DGKB: variants seen among roughly 807,000 people sequenced by gnomAD.
DGKB encodes the protein 90 kDa diacylglycerol kinase.
DGKB carries 67 observed loss-of-function variants against 114.3 expected under a neutral mutation model. That is an observed-to-expected ratio of 0.59 (90% CI 0.48 to 0.72). DGKB has a LOEUF of 0.72. Ranked by LOEUF, DGKB falls within the 30% of genes least tolerant of loss-of-function variation. The probability of loss-of-function intolerance (pLI) is 0.00; values close to 1 mark genes in which losing one functional copy is unlikely to be tolerated. For missense variants in DGKB, 907 were observed against 975.2 expected (o/e 0.93, Z 0.93); for synonymous variants, 398 against 323.1 (o/e 1.23, Z -2.49).
intron 6 of DGKB, among the ~76,000 whole-genome samples, chr7:14,712,078 A>G (rs2128336405): frequency 6.6e-6 from 1 of 152,292 alleles, no homozygotes; most frequent in East Asian, 1.9e-4. Context: ...TGAAATACAA[A>G]TAGGAACACA....
At chr7:14,248,894 G>C (rs1794833096) in intron 23 of DGKB, among the ~76,000 whole-genome samples, 1 of 152,102 alleles carries the variant, frequency 6.6e-6, no homozygotes, top group African/African-American at 2.4e-5. Flanking sequence ...AACAAGTGTT[G>C]AGAGAGAGCA....
At chr7:14,337,697 C>T (rs113155318) in intron 23 of DGKB, among the ~76,000 whole-genome samples, 2 of 151,944 alleles carry the variant, frequency 1.3e-5, no homozygotes, top group Non-Finnish European at 2.9e-5. Flanking sequence ...ATATTTTGTC[C>T]TTGCTACACT....
At chr7:14,524,529 G>A (rs1026330883) in intron 20 of DGKB, among the ~76,000 whole-genome samples, 4 of 152,190 alleles carry the variant, frequency 2.6e-5, no homozygotes, top group African/African-American at 9.6e-5. Context: ...GCCAAGGCGG[G>A]TGGAGCACCT....
intron 21 of DGKB, among the ~76,000 whole-genome samples, chr7:14,373,164 G>A (rs1482448841): frequency 6.6e-6 from 1 of 152,192 alleles, no homozygotes; most frequent in Non-Finnish European, 1.5e-5. Flanking sequence ...AATAAATACA[G>A]AAACAGAGCT....
intron 21 of DGKB, among the ~76,000 whole-genome samples, chr7:14,446,868 G>C (rs546794143): frequency 3.3e-5 from 5 of 151,008 alleles, no homozygotes; most frequent in African/African-American, 9.9e-5. Flanking sequence ...AGTTTCAAGA[G>C]AGAGACGGTG....
chr7:14,661,718 G>T (rs968928210), intron 13 of DGKB, among the ~76,000 whole-genome samples: 339 of 151,410 alleles, frequency 2.2e-3, no homozygotes, highest in African/African-American at 7.3e-3. Context: ...TATACCCAAA[G>T]GACTATAAAT....
Position 14,320,767 on chromosome 7 carries a change from C to G in DGKB, c.2122+17748G>C, listed in dbSNP as rs371713183. Among the ~76,000 whole-genome samples the G allele has an allele frequency of 3.9e-5, 6 of 152,194 alleles. No individual in the cohort carries two copies. The South Asian group carries it at 8.3e-4, about 21-fold the overall frequency. ...ATTAGATAAAGTAGTTAGAGCCATA[C>G]TCACAAGTGCAGGTCATACTGCCTA... is the stretch of plus-strand genomic sequence containing the variant. On this transcript the variant is annotated intron_variant, in intron 23 of 25. Transcript: ENST00000402815.
chr7:14,817,645 GAGTT>G (rs1016693863), intron 2 of DGKB, among the ~76,000 whole-genome samples: 6 of 152,110 alleles, frequency 3.9e-5, no homozygotes, highest in Non-Finnish European at 8.8e-5. Context: ...ATTTGAATAA[GAGTT>G]AGGTCTTTTA....
At chr7:14,518,925 G>C (rs11505395) in intron 20 of DGKB, among the ~76,000 whole-genome samples, 65,891 of 151,760 alleles carry the variant, frequency 0.43, 15,146 homozygotes, top group East Asian at 0.72. Context: ...CAGAGAATTT[G>C]CATTTCCAAG....
chr7:14,764,273 T>C (rs1425556019), intron 2 of DGKB, among the ~76,000 whole-genome samples: 1 of 151,962 alleles, frequency 6.6e-6, no homozygotes, highest in Non-Finnish European at 1.5e-5. Flanking sequence ...ATTATGTCAA[T>C]GTTAAAGTTA....
At chr7:14,261,075 T>A (rs1000977204) in intron 23 of DGKB, among the ~76,000 whole-genome samples, 1 of 152,118 alleles carries the variant, frequency 6.6e-6, no homozygotes, top group Non-Finnish European at 1.5e-5. Flanking sequence ...ATGGAGAATA[T>A]AAGAAAACAT....
intron 25 of DGKB, among the ~76,000 whole-genome samples, chr7:14,170,145 AAAAGAAAGAAAGAAAG>A (rs58897814): frequency 0.049 from 4,864 of 99,980 alleles, 268 homozygotes; most frequent in South Asian, 0.084. Context: ...AAAAAAAAAA[AAAAGAAAGAAAGAAAG>A]AAAGAAAGAA....
intron 23 of DGKB, among the ~76,000 whole-genome samples, chr7:14,274,149 T>C (rs747036203): frequency 6.6e-6 from 1 of 152,144 alleles, no homozygotes; most frequent in Non-Finnish European, 1.5e-5. Flanking sequence ...GTTTGGTCAA[T>C]GAATGGCTGT....
At chr7:14,399,102 A>G (rs1224287529) in intron 21 of DGKB, among the ~76,000 whole-genome samples, 1 of 151,870 alleles carries the variant, frequency 6.6e-6, no homozygotes, top group East Asian at 1.9e-4. Flanking sequence ...TCCGAGTTGA[A>G]TTTTTAACTT....
At chr7:14,842,058 A>G (rs1848014257) in intron 1 of DGKB, among the ~76,000 whole-genome samples, 1 of 152,244 alleles carries the variant, frequency 6.6e-6, no homozygotes, top group Admixed American at 6.5e-5. Flanking sequence ...TTCACTGGCT[A>G]TATCTGTAAA....
At chr7:14,230,261 T>A (rs747326964) in intron 23 of DGKB, among the ~76,000 whole-genome samples, 11 of 152,010 alleles carry the variant, frequency 7.2e-5, no homozygotes, top group Non-Finnish European at 1.6e-4. Flanking sequence ...CCATATGATT[T>A]CTCTTTCTAG....
intron 6 of DGKB, among the ~76,000 whole-genome samples, chr7:14,704,434 C>T (rs868554866): frequency 1.8e-4 from 23 of 129,076 alleles, no homozygotes; most frequent in South Asian, 2.5e-4. Flanking sequence ...GGCGACAGAG[C>T]GAGACTCCAT....
intron 13 of DGKB, among the ~76,000 whole-genome samples, chr7:14,662,569 T>A (rs187315079): frequency 6.6e-6 from 1 of 152,060 alleles, no homozygotes; most frequent in East Asian, 1.9e-4. Context: ...AAATGAGGAA[T>A]TGAAAAGATG....
chr7:14,908,246 A>G (rs919874246), upstream of DGKB, among the ~76,000 whole-genome samples: 1 of 152,176 alleles, frequency 6.6e-6, no homozygotes, highest in African/African-American at 2.4e-5. Context: ...ACATAGGCCA[A>G]TTTAACTAGT....
Sources: allele counts gnomAD v4.1 joint callset (sites outside exome capture counted in the v4.1 genomes callset), GRCh38; gene constraint gnomAD v4.1.1; transcripts MANE v1.5; gene names NCBI Gene and HGNC (gene_info 2026-07-23, HGNC 2026-07-21).